The following GAS2 variants were observed in gnomAD, a reference collection of about 807,000 sequenced individuals.
GAS2 encodes the protein growth arrest specific 2.
Under a neutral mutation model 37.5 loss-of-function variants are expected in GAS2, and 20 were observed. That is an observed-to-expected ratio of 0.53 (90% CI 0.37 to 0.77). GAS2 has a LOEUF of 0.77. Among genes scored for constraint, GAS2 ranks in the 30% least tolerant of loss-of-function variants. GAS2 has a pLI of 0.00. For synonymous variants in GAS2, 144 were observed against 132.2 expected, an observed-to-expected ratio of 1.09 and a Z score of -0.61; for missense variants, 336 against 373.4, an observed-to-expected ratio of 0.90 and a Z score of 0.82.
At chr11:22,797,936 A>T (rs1564893749) in intron 7 of GAS2, among the ~76,000 whole-genome samples, 5 of 152,074 alleles carry the variant, frequency 3.3e-5, no homozygotes. Context: ...GTATCCCTAA[A>T]GAAAAGAGGT....
chr11:22,736,702 T>A (rs1852773558), intron 4 of GAS2, among the ~76,000 whole-genome samples: 1 of 152,106 alleles, frequency 6.6e-6, no homozygotes, highest in Non-Finnish European at 1.5e-5. Flanking sequence ...AATTCTGTGT[T>A]TAAGAATAAA....
At chr11:22,668,504 G>A (rs1428015931) in intron 1 of GAS2, among the ~76,000 whole-genome samples, 1 of 151,864 alleles carries the variant, frequency 6.6e-6, no homozygotes, top group African/African-American at 2.4e-5. Flanking sequence ...TAAACACTAT[G>A]CTGTGGTGTT....
intron 3 of GAS2, among the ~76,000 whole-genome samples, chr11:22,705,769 A>G (rs1391351659): frequency 2.6e-5 from 4 of 152,236 alleles, no homozygotes; most frequent in African/African-American, 7.2e-5. Flanking sequence ...TAATAACATT[A>G]AGCTGGTAAT....
intron 7 of GAS2, among the ~76,000 whole-genome samples, chr11:22,761,000 G>T (rs1446844312): frequency 2.6e-5 from 4 of 152,066 alleles, no homozygotes; most frequent in Non-Finnish European, 4.4e-5. Flanking sequence ...AGACTACAGA[G>T]AATTTTTGCA....
chr11:22,643,945 C>G (rs991017460), intron 1 of GAS2, among the ~76,000 whole-genome samples: 1 of 151,862 alleles, frequency 6.6e-6, no homozygotes, highest in Non-Finnish European at 1.5e-5. Flanking sequence ...ATATTTTTTT[C>G]ATTATTTCTC....
chr11:22,745,995 A>G (rs1012102522), intron 5 of GAS2, among the ~76,000 whole-genome samples: 2 of 152,002 alleles, frequency 1.3e-5, no homozygotes, highest in Admixed American at 1.3e-4. Flanking sequence ...AAAAAATTAC[A>G]AAAACTCCAC....
chr11:22,782,536 G>A (rs1487133560), intron 7 of GAS2, among the ~76,000 whole-genome samples: 1 of 151,792 alleles, frequency 6.6e-6, no homozygotes, highest in East Asian at 1.9e-4. Flanking sequence ...TATCCAACAG[G>A]GAGTTTTTCA....
chr11:22,726,898 C>T (rs1483161115), intron 4 of GAS2, among the ~76,000 whole-genome samples: 1 of 152,046 alleles, frequency 6.6e-6, no homozygotes, highest in South Asian at 2.1e-4. Context: ...ACAGATTACT[C>T]ATTCATTTAT....
chr11:22,685,351 T>G (rs1421397980), intron 2 of GAS2, among the ~76,000 whole-genome samples: 2 of 152,190 alleles, frequency 1.3e-5, no homozygotes, highest in African/African-American at 4.8e-5. Flanking sequence ...TCTTTGAGTT[T>G]TGTTGGTTAG....
At chr11:22,769,137 C>A (rs550353654) in intron 7 of GAS2, among the ~76,000 whole-genome samples, 2 of 152,294 alleles carry the variant, frequency 1.3e-5, no homozygotes, top group East Asian at 3.9e-4. Flanking sequence ...TAGGACTTAA[C>A]CTAAGGTGGT....
chr11:22,810,524 C>T (rs1857104188), intron 7 of GAS2, among the ~76,000 whole-genome samples: 1 of 152,198 alleles, frequency 6.6e-6, no homozygotes, highest in African/African-American at 2.4e-5. Context: ...CTAAATTTCT[C>T]ATACTCTAAA....
intron 3 of GAS2, among the ~76,000 whole-genome samples, chr11:22,712,680 C>T (rs1230457095): frequency 2.6e-5 from 4 of 152,092 alleles, no homozygotes; most frequent in African/African-American, 9.7e-5. Flanking sequence ...AGCTGTCCAG[C>T]AATGGTCTAA....
chr11:22,791,493 A>G (rs1380845562), intron 7 of GAS2, among the ~76,000 whole-genome samples: 7 of 152,214 alleles, frequency 4.6e-5, no homozygotes, highest in Non-Finnish European at 1.0e-4. Flanking sequence ...TGTATGTGTT[A>G]ATCATAATAT....
intron 1 of GAS2, among the ~76,000 whole-genome samples, chr11:22,641,327 T>TATATATTTAC (rs1848627293): frequency 1.1e-5 from 1 of 92,838 alleles, no homozygotes; most frequent in Admixed American, 1.1e-4. Context: ...TATATCTTTA[T>TATATATTTAC]ATATATATTT....
chr11:22,665,176 A>G (rs1848963791), upstream of GAS2, among the ~76,000 whole-genome samples: 2 of 152,152 alleles, frequency 1.3e-5, no homozygotes, highest in Non-Finnish European at 2.9e-5. Context: ...CCAATAATGA[A>G]CAATGTGACA....
chr11:22,666,891 G>A lies in GAS2; in HGVS notation c.-29G>A, dbSNP rs1021047902. 1.3e-5 allele frequency: 2 copies of A among 152,480 alleles called. No homozygotes were observed. The highest frequency in any genetic ancestry group is 2.9e-5 in the Non-Finnish European group (2 of 68,278). The allele number at this position is 152,480 out of a possible 1,614,324, so 9.4% of individuals were successfully genotyped here. A position where few individuals can be genotyped will look rare whatever the true frequency, so the allele number is the denominator to read the frequency against. ...GAGAGCCGCCAGCAGCCCAGCTCGG[G>A]ACGCGGGGGTGAGCACGACTGGCTG... On this transcript the variant is annotated 5_prime_UTR_variant, in exon 1 of 8. Transcript: ENST00000454584.
intron 3 of GAS2, among the ~76,000 whole-genome samples, chr11:22,718,833 G>A (rs1483906312): frequency 4.6e-5 from 7 of 151,932 alleles, no homozygotes; most frequent in African/African-American, 1.4e-4. Flanking sequence ...ATATGCAAAC[G>A]ATTAGTTGGG....
intron 3 of GAS2, among the ~76,000 whole-genome samples, chr11:22,697,103 C>A (rs1417757122): frequency 6.6e-6 from 1 of 152,164 alleles, no homozygotes; most frequent in African/African-American, 2.4e-5. Context: ...TTTAATCCAT[C>A]TTGAAATAAT....
intron 3 of GAS2, among the ~76,000 whole-genome samples, chr11:22,694,672 T>A (rs1368917376): frequency 1.3e-5 from 2 of 152,212 alleles, no homozygotes; most frequent in African/African-American, 4.8e-5. Flanking sequence ...TGAATATATC[T>A]TTGTGTTAGC....
Sources: allele counts gnomAD v4.1 joint callset (sites outside exome capture counted in the v4.1 genomes callset), GRCh38; gene constraint gnomAD v4.1.1; transcripts MANE v1.5; gene names NCBI Gene and HGNC (gene_info 2026-07-23, HGNC 2026-07-21).